Variants in CTNND2 observed in about 807,000 individuals in gnomAD.
CTNND2 encodes catenin delta-2.
A neutral mutation model predicts 144.4 loss-of-function variants in CTNND2; 22 were observed. The observed-to-expected ratio is 0.15, with a 90% CI of 0.11 to 0.22. The LOEUF is 0.22. Ranked by LOEUF, CTNND2 falls within the 10% of genes least tolerant of loss-of-function variation. CTNND2 has a pLI of 1.00. For missense variants in CTNND2, 1,353 were observed against 1,618.8 expected (o/e 0.84, Z 2.82); for synonymous variants, 751 against 695.6 (o/e 1.08, Z -1.25).
chr5:11,748,236 C>A (rs1788423152), intron 1 of CTNND2, among the ~76,000 whole-genome samples: 1 of 152,022 alleles, frequency 6.6e-6, no homozygotes, highest in South Asian at 2.1e-4. Flanking sequence ...TGCCAAGATA[C>A]ATTGACATTT....
chr5:11,483,639 G>A (rs1044783010), intron 3 of CTNND2, among the ~76,000 whole-genome samples: 4 of 152,154 alleles, frequency 2.6e-5, no homozygotes, highest in Admixed American at 1.3e-4. Flanking sequence ...ACTCACTTGC[G>A]AAGCCTGCAG....
chr5:11,609,167 T>C (rs898917705), intron 2 of CTNND2, among the ~76,000 whole-genome samples: 3 of 152,196 alleles, frequency 2.0e-5, no homozygotes, highest in Admixed American at 1.3e-4. Flanking sequence ...CCTTCATCCA[T>C]TCATCCCTAT....
chr5:11,114,885 T>C (rs1036768102), intron 13 of CTNND2, among the ~76,000 whole-genome samples: 1 of 151,438 alleles, frequency 6.6e-6, no homozygotes, highest in Admixed American at 6.5e-5. Flanking sequence ...AAAATGATGG[T>C]ACAATAATAA....
At chr5:11,177,925 A>G (rs1267941147) in intron 11 of CTNND2, among the ~76,000 whole-genome samples, 2 of 152,202 alleles carry the variant, frequency 1.3e-5, no homozygotes, top group Non-Finnish European at 2.9e-5. Context: ...TTTAAATACT[A>G]TAGCAAGTTG....
chr5:11,621,724 C>T (rs1178036146), intron 2 of CTNND2, among the ~76,000 whole-genome samples: 1 of 152,132 alleles, frequency 6.6e-6, no homozygotes, highest in Non-Finnish European at 1.5e-5. Flanking sequence ...TAGGAAGCAG[C>T]TTTACTCCCA....
rs115149853 is a variant in CTNND2, at chr5:11,674,055, A to C, written c.174+58081T>G. 2.7e-3 allele frequency among the ~76,000 whole-genome samples: 408 copies of C among 152,374 alleles called. 3 individuals carry two copies. The highest frequency in any genetic ancestry group is 9.4e-3 in the African/African-American group (391 of 41,592). ...GTTAATACCAGAAAAAGTCCTTCTT[A>C]AATTACAATAAGTAAATGTAGTGAG... On this transcript the variant is annotated intron_variant, in intron 2 of 21. Coordinates refer to ENST00000304623, the MANE Select transcript of CTNND2 (RefSeq NM_001332.4).
At chr5:11,372,792 A>C (rs1291714533) in intron 7 of CTNND2, among the ~76,000 whole-genome samples, 1 of 152,152 alleles carries the variant, frequency 6.6e-6, no homozygotes, top group African/African-American at 2.4e-5. Context: ...ATTTTTAGCA[A>C]GTTCTCAGGC....
chr5:11,594,484 A>G (rs1158774734), intron 2 of CTNND2, among the ~76,000 whole-genome samples: 2 of 152,244 alleles, frequency 1.3e-5, no homozygotes, highest in Non-Finnish European at 2.9e-5. Context: ...TTGATTTTAA[A>G]AAATCAATTT....
chr5:11,471,199 G>A (rs1212108054), intron 3 of CTNND2, among the ~76,000 whole-genome samples: 4 of 151,292 alleles, frequency 2.6e-5, no homozygotes, highest in Non-Finnish European at 5.9e-5. Flanking sequence ...GGATGGTCTC[G>A]ATCTCCTGAC....
chr5:11,560,907 G>A (rs772210344), intron 3 of CTNND2, among the ~76,000 whole-genome samples: 19 of 152,218 alleles, frequency 1.2e-4, no homozygotes, highest in Non-Finnish European at 2.2e-4. Context: ...AACTCACGCC[G>A]TGTAGAGGAT....
At chr5:11,855,029 C>T (rs972545061) in intron 1 of CTNND2, among the ~76,000 whole-genome samples, 1 of 152,192 alleles carries the variant, frequency 6.6e-6, no homozygotes, top group Non-Finnish European at 1.5e-5. Flanking sequence ...TGTGCAGCTG[C>T]ACTCACAGAC....
At chr5:11,155,281 T>C (rs939751571) in intron 12 of CTNND2, among the ~76,000 whole-genome samples, 4 of 152,198 alleles carry the variant, frequency 2.6e-5, no homozygotes, top group Non-Finnish European at 5.9e-5. Context: ...CAAAACTGAA[T>C]TGATTTCAAG....
chr5:11,642,328 G>A (rs1001504563), intron 2 of CTNND2, among the ~76,000 whole-genome samples: 8 of 152,254 alleles, frequency 5.3e-5, no homozygotes, highest in African/African-American at 1.9e-4. Context: ...ATCAAATTAT[G>A]TATTTTGTTG....
intron 16 of CTNND2, among the ~76,000 whole-genome samples, chr5:11,037,871 A>G (rs577100668): frequency 1.5e-3 from 233 of 152,336 alleles, no homozygotes; most frequent in African/African-American, 5.4e-3. Context: ...ATATCATGAC[A>G]TATATTGATT....
chr5:11,375,858 T>C (rs1053249212), intron 7 of CTNND2, among the ~76,000 whole-genome samples: 31 of 152,096 alleles, frequency 2.0e-4, no homozygotes, highest in African/African-American at 7.0e-4. Context: ...AGGGGACTGT[T>C]TTTCGTCATG....
At chr5:11,328,659 T>TA (rs569896455) in intron 9 of CTNND2, among the ~76,000 whole-genome samples, 174 of 152,320 alleles carry the variant, frequency 1.1e-3, no homozygotes, top group African/African-American at 4.0e-3. Flanking sequence ...AATGGCCACT[T>TA]AATATGCCTC....
intron 2 of CTNND2, among the ~76,000 whole-genome samples, chr5:11,618,930 T>A (rs1780704891): frequency 6.6e-6 from 1 of 152,228 alleles, no homozygotes; most frequent in African/African-American, 2.4e-5. Context: ...AACCATATTC[T>A]GTTTACCTCC....
intron 2 of CTNND2, among the ~76,000 whole-genome samples, chr5:11,571,661 A>G (rs1777563327): frequency 6.6e-6 from 1 of 152,052 alleles, no homozygotes; most frequent in Non-Finnish European, 1.5e-5. Context: ...TTCATGCCCC[A>G]TGCACCCACA....
At chr5:11,756,209 T>C (rs1423891412) in intron 1 of CTNND2, among the ~76,000 whole-genome samples, 1 of 151,692 alleles carries the variant, frequency 6.6e-6, no homozygotes, top group Non-Finnish European at 1.5e-5. Flanking sequence ...TACAAAATTA[T>C]TAACAAGTGG....
Sources: allele counts gnomAD v4.1 joint callset (sites outside exome capture counted in the v4.1 genomes callset), GRCh38; gene constraint gnomAD v4.1.1; transcripts MANE v1.5; gene names NCBI Gene and HGNC (gene_info 2026-07-23, HGNC 2026-07-21).